Variants in TMPRSS15 observed in about 807,000 individuals in gnomAD.
The protein encoded by TMPRSS15 is enteropeptidase.
A neutral mutation model predicts 125.3 loss-of-function variants in TMPRSS15; 128 were observed. The observed-to-expected ratio is 1.02, with a 90% confidence interval of 0.89 to 1.18. The LOEUF is 1.18. Ranked by LOEUF, TMPRSS15 falls within the 50% of genes most tolerant of loss-of-function variation. The probability of loss-of-function intolerance (pLI) is 0.00; values close to 1 mark genes in which losing one functional copy is unlikely to be tolerated. For synonymous variants in TMPRSS15, 446 were observed against 423.2 expected (o/e 1.05, Z -0.66); for missense variants, 1,283 against 1,212.7 (o/e 1.06, Z -0.86).
intron 12 of TMPRSS15, among the ~76,000 whole-genome samples, chr21:18,343,038 A>C (rs778236069): frequency 1.3e-5 from 2 of 152,230 alleles, no homozygotes; most frequent in Non-Finnish European, 2.9e-5. Context: ...CCAATGCTAC[A>C]GCTCATATAA....
rs1339216446 is a variant in TMPRSS15, at chr21:18,409,896, TTCC to T, written c.11-11570_11-11568del. On this transcript the variant is annotated intron_variant, in intron 1 of 7. Coordinates refer to the TMPRSS15 transcript ENST00000422787. ...TCCCTTCCCTCCCTCCCTCCCTTCC[TTCC>T]TTCTTCCCTCCCTCCCTCCCTTCCT... Among the ~76,000 whole-genome samples the T allele has an allele frequency of 2.8e-5, 3 of 105,736 alleles. No homozygotes were observed. In the East Asian group the frequency reaches 1.1e-3, roughly 38 times the overall value. 69.4% of individuals were successfully genotyped at this position (105,736 alleles called of 152,430 possible). A position where few individuals can be genotyped will look rare whatever the true frequency, so the allele number is the denominator to read the frequency against.
chr21:18,435,309 A>G (rs1410997913), intron 1 of TMPRSS15, among the ~76,000 whole-genome samples: 1 of 152,162 alleles, frequency 6.6e-6, no homozygotes, highest in Admixed American at 6.5e-5. Flanking sequence ...CGTCCCATCA[A>G]TACCTAATTC....
chr21:18,336,323 C>T (rs1240825526), intron 13 of TMPRSS15, among the ~76,000 whole-genome samples: 1 of 152,086 alleles, frequency 6.6e-6, no homozygotes, highest in Admixed American at 6.6e-5. Flanking sequence ...AATAATACCT[C>T]CTATTGATCG....
At chr21:18,460,552 G>A (rs1978532623) in intron 1 of TMPRSS15, 1 of 152,160 alleles carries the variant, frequency 6.6e-6, no homozygotes. Context: ...AAAGAGATTT[G>A]TTTTAAAGAA....
chr21:18,281,153 G>A lies in TMPRSS15; in HGVS notation c.2555C>T (p.Pro852Leu). ...GLHMKSNLTSPQTVPRLIDEI... is the reference protein window; with the variant it reads ...GLHMKSNLTSLQTVPRLIDEI... ...ATCTATTAATCGAGGGACTGTTTGA[G>A]GAGAGGTCAGATTTGATTTCATATG... The change falls in exon 22 of 25, where the codon CCT (proline) becomes CTT (leucine). Residue 852 changes from proline to leucine, a missense_variant. Coordinates refer to ENST00000284885, the MANE Select transcript of TMPRSS15 (RefSeq NM_002772.3). The A allele has an allele frequency of 6.2e-7, 1 of 1,614,032 alleles. No individual in the cohort carries two copies. Among genetic ancestry groups the A allele is most frequent in the South Asian group, 1.1e-5 (1 of 91,084 alleles).
chr21:18,310,174 C>T (rs2075084420), intron 18 of TMPRSS15, among the ~76,000 whole-genome samples: 1 of 152,098 alleles, frequency 6.6e-6, no homozygotes, highest in Non-Finnish European at 1.5e-5. Flanking sequence ...CCTACTCTCA[C>T]CACTCTTATT....
chr21:18,477,092 A>G (rs1978894444), intron 1 of TMPRSS15, among the ~76,000 whole-genome samples: 1 of 152,156 alleles, frequency 6.6e-6, no homozygotes, highest in Admixed American at 6.6e-5. Flanking sequence ...GCAAAAGTTA[A>G]TATGATACGC....
chr21:18,298,889 A>G (rs1207074232), intron 18 of TMPRSS15, among the ~76,000 whole-genome samples: 1 of 152,208 alleles, frequency 6.6e-6, no homozygotes, highest in Non-Finnish European at 1.5e-5. Flanking sequence ...TTTTCTGATC[A>G]ATTAGAAGAT....
chr21:18,452,189 A>T (rs903457883), intron 1 of TMPRSS15, among the ~76,000 whole-genome samples: 3 of 152,152 alleles, frequency 2.0e-5, no homozygotes, highest in African/African-American at 7.2e-5. Context: ...ATATGTTAGT[A>T]ACATATTTAA....
At chr21:18,278,175 TAAAG>T (rs547293942) in intron 23 of TMPRSS15, among the ~76,000 whole-genome samples, 1 of 152,198 alleles carries the variant, frequency 6.6e-6, no homozygotes, top group African/African-American at 2.4e-5. Flanking sequence ...ACATTATAAA[TAAAG>T]ATAGTTTTAT....
intron 1 of TMPRSS15, among the ~76,000 whole-genome samples, chr21:18,419,033 G>T (rs957708703): frequency 6.6e-6 from 1 of 152,154 alleles, no homozygotes; most frequent in Non-Finnish European, 1.5e-5. Context: ...TTCCAAGAAT[G>T]TAATTCTCTG....
chr21:18,391,692 G>A (rs567215990), intron 3 of TMPRSS15, among the ~76,000 whole-genome samples: 1 of 152,300 alleles, frequency 6.6e-6, no homozygotes, highest in African/African-American at 2.4e-5. Flanking sequence ...GAGGACGGTG[G>A]CTGTCTTCTC....
intron 1 of TMPRSS15, among the ~76,000 whole-genome samples, chr21:18,484,080 C>T (rs986668090): frequency 6.6e-6 from 1 of 151,848 alleles, no homozygotes; most frequent in Non-Finnish European, 1.5e-5. Flanking sequence ...TTGTAGTTTA[C>T]TTATTTTCAT....
Sources: allele counts gnomAD v4.1 joint callset (sites outside exome capture counted in the v4.1 genomes callset), GRCh38; gene constraint gnomAD v4.1.1; transcripts MANE v1.5; gene names NCBI Gene and HGNC (gene_info 2026-07-23, HGNC 2026-07-21).